Variants in ST8SIA5 observed in about 807,000 individuals in gnomAD.
ST8SIA5 encodes the protein alpha-2,8-sialyltransferase 8E.
A neutral mutation model predicts 40.2 loss-of-function variants in ST8SIA5; 24 were observed. The observed-to-expected ratio is 0.60, with a 90% CI of 0.43 to 0.84. The LOEUF is 0.84. Ranked by LOEUF, ST8SIA5 falls within the 40% of genes least tolerant of loss-of-function variation. ST8SIA5 has a pLI of 0.00. For missense variants in ST8SIA5, 465 were observed against 498.5 expected (o/e 0.93, Z 0.64); for synonymous variants, 198 against 201.8 (o/e 0.98, Z 0.16).
intron 1 of ST8SIA5, among the ~76,000 whole-genome samples, chr18:46,740,985 A>G (rs2040081872): frequency 6.6e-6 from 1 of 152,200 alleles, no homozygotes; most frequent in Non-Finnish European, 1.5e-5. Flanking sequence ...TTTACATTAG[A>G]AAATAGAAAG....
At chr18:46,704,270 A>G (rs1376374500) in intron 2 of ST8SIA5, among the ~76,000 whole-genome samples, 4 of 152,202 alleles carry the variant, frequency 2.6e-5, no homozygotes, top group East Asian at 1.9e-4. Flanking sequence ...ATTTCTACAC[A>G]AGAGGAGCCA....
intron 3 of ST8SIA5, among the ~76,000 whole-genome samples, chr18:46,691,045 C>T (rs183769012): frequency 3.3e-5 from 5 of 152,378 alleles, no homozygotes; most frequent in Non-Finnish European, 5.9e-5. Context: ...CCAGGGGCAC[C>T]TCTGTGCAGT....
rs2039351871 is a variant in ST8SIA5 at position 46,678,095 on chromosome 18, G to A, written c.*1947C>T. The A allele has an allele frequency of 6.6e-6, 1 of 152,252 alleles. No individual in the cohort carries two copies. The highest frequency in any genetic ancestry group is 2.1e-4 in the South Asian group (1 of 4,836). The allele number at this position is 152,252 out of a possible 1,614,324, so 9.4% of individuals were successfully genotyped here. ...GGAGAAATAGGCAGAGCTCAAGCAA[G>A]TAATAACCATCCACTGTCCTTTGCA... On this transcript the variant is annotated 3_prime_UTR_variant, in exon 7 of 7. Coordinates refer to ENST00000315087, the MANE Select transcript of ST8SIA5 (RefSeq NM_013305.6).
chr18:46,694,775 A>G (rs2039540105), intron 2 of ST8SIA5, among the ~76,000 whole-genome samples: 1 of 151,814 alleles, frequency 6.6e-6, no homozygotes, highest in Non-Finnish European at 1.5e-5. Context: ...CTATCCACCC[A>G]CGTGCATATC....
rs979466800 is a variant in ST8SIA5, at chr18:46,756,602, C to A, written c.-94G>T. On this transcript the variant is annotated 5_prime_UTR_variant, in exon 1 of 7. Coordinates refer to ENST00000315087, the MANE Select transcript of ST8SIA5 (RefSeq NM_013305.6). ...CCCGGGGGGCGCGCGGCCGACTTGG[C>A]GCCTCACGGTGCGGTCAGGCAGGCG... is the stretch of plus-strand genomic sequence containing the variant. 4 of 1,423,778 alleles carry A rather than the reference C, an allele frequency of 2.8e-6. No homozygotes were observed. Among genetic ancestry groups the A allele is most frequent in the Non-Finnish European group, 2.8e-6 (3 of 1,067,586 alleles). The allele number at this position is 1,423,778 out of a possible 1,614,324, so 88.2% of individuals were successfully genotyped here.
chr18:46,691,865 A>G, intron 3 of ST8SIA5: 1 of 399,674 alleles, frequency 2.5e-6, no homozygotes. Flanking sequence ...CCGCCCACAC[A>G]TGCTTCCCTG....
intron 1 of ST8SIA5, among the ~76,000 whole-genome samples, chr18:46,724,833 G>A (rs1599135822): frequency 6.6e-6 from 1 of 152,018 alleles, no homozygotes; most frequent in Non-Finnish European, 1.5e-5. Flanking sequence ...AATTAGCTGG[G>A]CATGGTGGTG....
rs966262392 is a variant in ST8SIA5, at chr18:46,672,766, C to G, written c.*7276G>C. The G allele has an allele frequency of 2.0e-5, 3 of 152,274 alleles. No homozygotes were observed. Among genetic ancestry groups the G allele is most frequent in the Non-Finnish European group, 4.4e-5 (3 of 68,092 alleles). The allele number at this position is 152,274 out of a possible 1,614,324, so 9.4% of individuals were successfully genotyped here. A position where few individuals can be genotyped will look rare whatever the true frequency, so the allele number is the denominator to read the frequency against. On this transcript the variant is annotated 3_prime_UTR_variant, in exon 7 of 7. Coordinates refer to ENST00000315087, the MANE Select transcript of ST8SIA5 (RefSeq NM_013305.6). ...GTGGCAGAGCAAGGCCAGGTCTGCA[C>G]TCTCCCTCAGCAAGGGGCCAAGGTC...
At chr18:46,708,894 G>A (rs2039695065) in intron 1 of ST8SIA5, among the ~76,000 whole-genome samples, 1 of 152,006 alleles carries the variant, frequency 6.6e-6, no homozygotes, top group Non-Finnish European at 1.5e-5. Flanking sequence ...TACCATATCC[G>A]ATTAAAACAA....
At chr18:46,711,402 A>G (rs1205085008) in intron 1 of ST8SIA5, among the ~76,000 whole-genome samples, 1 of 152,244 alleles carries the variant, frequency 6.6e-6, no homozygotes, top group Admixed American at 6.5e-5. Flanking sequence ...GCCCAAGGTC[A>G]TTCAGCTAGT....
intron 1 of ST8SIA5, among the ~76,000 whole-genome samples, chr18:46,717,367 C>T (rs1489581561): frequency 6.6e-6 from 1 of 152,012 alleles, no homozygotes; most frequent in African/African-American, 2.4e-5. Context: ...CGGAGTTTTG[C>T]TCTTGTTGCC....
At chr18:46,754,930 C>T (rs2144579559) in intron 1 of ST8SIA5, among the ~76,000 whole-genome samples, 2 of 152,336 alleles carry the variant, frequency 1.3e-5, no homozygotes, top group East Asian at 3.9e-4. Flanking sequence ...GCTGTCCTTG[C>T]ATAGGATCAT....
intron 1 of ST8SIA5, among the ~76,000 whole-genome samples, chr18:46,750,866 T>C (rs1042795286): frequency 3.3e-5 from 5 of 152,200 alleles, no homozygotes; most frequent in Admixed American, 6.5e-5. Flanking sequence ...TCCAATCCCA[T>C]TGCTCACATC....
chr18:46,680,130 T>C lies in ST8SIA5; in HGVS notation c.1043A>G (p.His348Arg). Residue 348 changes from histidine (H) to arginine (R), a missense_variant, in exon 7 of 7, where the codon CAC becomes CGC. Coordinates refer to ENST00000315087, the MANE Select transcript of ST8SIA5 (RefSeq NM_013305.6). Reference sequence around the variant, plus strand: ...GTTGAAGATCTCAGAGGGCATGGCGTGGAAGCCGGGACGCGGCTTGACGTT... The same window carrying C: ...GTTGAAGATCTCAGAGGGCATGGCGCGGAAGCCGGGACGCGGCTTGACGTT... ...YDNVKPRPGFHAMPSEIFNFL... is the reference protein window; with the variant it reads ...YDNVKPRPGFRAMPSEIFNFL... 2 of 1,614,160 alleles carry C rather than the reference T, an allele frequency of 1.2e-6. No homozygotes were observed. The highest frequency in any genetic ancestry group is 8.5e-7 in the Non-Finnish European group (1 of 1,180,018).
intron 3 of ST8SIA5, 116 bp from the exon 4 acceptor site, chr18:46,689,035 TCCCACGCTTGCC>T: frequency 7.7e-7 from 1 of 1,301,952 alleles, no homozygotes; most frequent in Middle Eastern, 2.8e-4. Context: ...TGCTCACCTA[TCCCACGCTTGCC>T]CCCACCCTGC....
intron 1 of ST8SIA5, among the ~76,000 whole-genome samples, chr18:46,713,759 A>G (rs1339994024): frequency 2.6e-5 from 4 of 152,186 alleles, no homozygotes; most frequent in African/African-American, 9.7e-5. Context: ...CAGAGAAGGC[A>G]CCACTGATCT....
In ST8SIA5 at chr18:46,725,959, TAAAAA is replaced by T. The variant is rs72220502; in HGVS notation, c.132-21300_132-21296del. On this transcript the variant is annotated intron_variant, in intron 1 of 6. Coordinates refer to ENST00000315087, the MANE Select transcript of ST8SIA5 (RefSeq NM_013305.6). ...AACATGGTGAAACCCCATCTCTACT[TAAAAA>T]AAAAAAAAATATATATATATATATA... Among the ~76,000 whole-genome samples the T allele has an allele frequency of 3.5e-4, 6 of 17,192 alleles. 1 individual carries two copies. Among genetic ancestry groups the T allele is most frequent in the East Asian group, 1.5e-3 (1 of 680 alleles). 11.3% of individuals were successfully genotyped at this position (17,192 alleles called of 152,430 possible). A position where few individuals can be genotyped will look rare whatever the true frequency, so the allele number is the denominator to read the frequency against.
At position 46,679,625 on chromosome 18, in the gene ST8SIA5, T is replaced by TAGA; in HGVS notation, c.*416_*417insTCT. 6 of 229,290 alleles carry TAGA rather than the reference T, an allele frequency of 2.6e-5. No homozygotes were observed. Among genetic ancestry groups the TAGA allele is most frequent in the Non-Finnish European group, 5.2e-5 (6 of 116,140 alleles). 14.2% of individuals were successfully genotyped at this position (229,290 alleles called of 1,614,324 possible). On this transcript the variant is annotated 3_prime_UTR_variant, in exon 7 of 7. Transcript: ENST00000315087. ...CTGTGCTCAAGTGTCCTGTGAAGTG[T>TAGA]CCTGTCTCCACTCTCAATTCCATTC...
chr18:46,713,960 G>A (rs976259909), intron 1 of ST8SIA5, among the ~76,000 whole-genome samples: 6 of 152,200 alleles, frequency 3.9e-5, no homozygotes, highest in African/African-American at 1.4e-4. Context: ...GGAGAGGATG[G>A]GATGTCTCCC....
Sources: gnomAD v4.1 joint callset for allele counts (sites outside exome capture counted in the v4.1 genomes callset) on GRCh38, gnomAD v4.1.1 for gene constraint, MANE v1.5 for transcripts, NCBI Gene and HGNC (gene_info 2026-07-23, HGNC 2026-07-21) for gene names.